SLC41A3: variants seen among roughly 807,000 people sequenced by gnomAD.
The protein encoded by SLC41A3 is SLC41A1-like 2.
In SLC41A3, 44 loss-of-function variants were observed where a neutral mutation model predicts 45.4. That is an observed-to-expected ratio of 0.97 (90% CI 0.76 to 1.25). The LOEUF is 1.25. Among genes scored for constraint, SLC41A3 ranks in the 50% most tolerant of loss-of-function variants. The pLI, the probability that SLC41A3 is intolerant of heterozygous loss-of-function variation, is 0.00. For synonymous variants in SLC41A3, 256 were observed against 252.4 expected (o/e 1.01, Z -0.13); for missense variants, 550 against 600.6 (o/e 0.92, Z 0.88).
chr3:126,089,877 A>G (rs1945456744), intron 1 of SLC41A3, among the ~76,000 whole-genome samples: 1 of 152,218 alleles, frequency 6.6e-6, no homozygotes, highest in South Asian at 2.1e-4. Context: ...GCCCTTTCTT[A>G]GGACTAATTC....
intron 4 of SLC41A3, among the ~76,000 whole-genome samples, chr3:126,029,372 C>A (rs1282712979): frequency 1.3e-5 from 2 of 151,338 alleles, no homozygotes; most frequent in African/African-American, 4.9e-5. Context: ...GCACTCCCTC[C>A]CCCACCACTC....
chr3:126,016,796 G>A lies in SLC41A3; in HGVS notation c.825C>T (p.Ser275=), dbSNP rs1940332790. The A allele has an allele frequency of 1.2e-6, 2 of 1,612,676 alleles. No individual in the cohort carries two copies. The highest frequency in any genetic ancestry group is 1.3e-5 in the African/African-American group (1 of 74,964). ...TPVWVLIAKQ[S]PPIVKILKFG... ...ACTTCAGGATCTTCACGATGGGTGGGCTCTGCTTGGCAATGAGGACCCACA... is the reference window on the plus strand; with the variant it reads ...ACTTCAGGATCTTCACGATGGGTGGACTCTGCTTGGCAATGAGGACCCACA... The change falls in exon 7 of 11, where the codon AGC becomes AGT. Residue 275 remains serine, a synonymous_variant. Transcript: ENST00000360370.
chr3:126,006,874 A>G lies in SLC41A3; in HGVS notation c.*142T>C. 1.3e-6 allele frequency: 2 copies of G among 1,510,902 alleles called. No individual in the cohort carries two copies. The highest frequency in any genetic ancestry group is 1.8e-6 in the Non-Finnish European group (2 of 1,135,508). The allele number at this position is 1,510,902 out of a possible 1,614,324, so 93.6% of individuals were successfully genotyped here. A position where few individuals can be genotyped will look rare whatever the true frequency, so the allele number is the denominator to read the frequency against. ...CAACCCCAGAGCCGAGGTGTGTGAG[A>G]GCTACCTTAGCAGACTCACAAAAGG... On this transcript the variant is annotated 3_prime_UTR_variant, in exon 11 of 11. Coordinates refer to ENST00000360370, the MANE Select transcript of SLC41A3 (RefSeq NM_017836.4).
intron 8 of SLC41A3, among the ~76,000 whole-genome samples, chr3:126,013,910 C>A (rs183850237): frequency 6.6e-6 from 1 of 152,140 alleles, no homozygotes; most frequent in Admixed American, 6.5e-5. Flanking sequence ...GCCCAGAAAA[C>A]CATGAGCACA....
chr3:126,034,825 T>C (rs1335808640), intron 3 of SLC41A3, among the ~76,000 whole-genome samples: 1 of 152,254 alleles, frequency 6.6e-6, no homozygotes, highest in East Asian at 1.9e-4. Context: ...TGCTGGCCCA[T>C]ATGATTTCTG....
Position 126,012,637 on chromosome 3 carries a change from C to T in SLC41A3, c.1083G>A (p.Pro361=), listed in dbSNP as rs372476214. The T allele has an allele frequency of 4.2e-5, 68 of 1,614,020 alleles. No individual in the cohort carries two copies. The highest frequency in any genetic ancestry group is 4.5e-5 in the Non-Finnish European group (53 of 1,180,016). The change falls in exon 9 of 11, where the codon CCG becomes CCA. Residue 361 remains proline (P), a synonymous_variant. Transcript: ENST00000360370. ...PLQMKKFWPN[P]CSTFCTSEIN... Reference sequence around the variant, plus strand: ...CACCTGACGTGCAGAAAGTAGAACACGGGTTGGGCCAGAATTTCTTCATCT... The same window carrying T: ...CACCTGACGTGCAGAAAGTAGAACATGGGTTGGGCCAGAATTTCTTCATCT...
At chr3:126,051,215 C>T (rs551906006) in intron 2 of SLC41A3, among the ~76,000 whole-genome samples, 165 bp from the exon 3 acceptor site, 20 of 152,372 alleles carry the variant, frequency 1.3e-4, no homozygotes, top group Middle Eastern at 3.4e-3. Flanking sequence ...ATAAATGAAG[C>T]TGTGAAAACC....
chr3:126,063,949 A>ACCC (rs56806357), intron 2 of SLC41A3, among the ~76,000 whole-genome samples: 15,140 of 101,374 alleles, frequency 0.15, 1,989 homozygotes, highest in African/African-American at 0.19. Flanking sequence ...GCCAGATCCA[A>ACCC]CCCCCCCCCG....
In SLC41A3 at chr3:126,050,783, T is replaced by A. The variant is rs1054284400; in HGVS notation, c.381+160A>T. On this transcript the variant is annotated intron_variant, in intron 3 of 10. Transcript: ENST00000360370. The stretch of plus-strand genomic sequence containing the variant: ...GTAGTGGAAAGCCAAGGCATTGGGC[T>A]GGGAGAGGGACAAGGGACAGCATGA... 23 of 1,278,460 alleles carry A rather than the reference T, an allele frequency of 1.8e-5. No individual in the cohort carries two copies. In the East Asian group the frequency reaches 6.5e-4, roughly 36 times the overall value. 79.2% of individuals were successfully genotyped at this position (1,278,460 alleles called of 1,614,324 possible). A position where few individuals can be genotyped will look rare whatever the true frequency, so the allele number is the denominator to read the frequency against.
At chr3:126,084,728 G>GTT (rs976385683), upstream of SLC41A3, among the ~76,000 whole-genome samples, 4 of 152,090 alleles carry the variant, frequency 2.6e-5, no homozygotes, top group Non-Finnish European at 4.4e-5. Flanking sequence ...GAGGCCTGAT[G>GTT]GTTCACAAGA....
upstream of SLC41A3, among the ~76,000 whole-genome samples, chr3:126,087,841 A>G (rs540641504): frequency 7.2e-5 from 11 of 152,272 alleles, no homozygotes; most frequent in South Asian, 2.1e-3. Context: ...TTAAGAAGAA[A>G]TTATAGTAGT....
At chr3:126,022,993 C>T (rs1213599586) in intron 5 of SLC41A3, 61 bp from the exon 6 acceptor site, 2 of 1,600,594 alleles carry the variant, frequency 1.2e-6, no homozygotes, top group Admixed American at 3.4e-5. Flanking sequence ...TGGCTCTGAG[C>T]AGGCACAGCA....
At chr3:126,068,911 C>G (rs1291954357) in intron 1 of SLC41A3, among the ~76,000 whole-genome samples, 2 of 152,106 alleles carry the variant, frequency 1.3e-5, no homozygotes, top group African/African-American at 4.8e-5. Flanking sequence ...GGTGCAAAAC[C>G]TTTTGCCCTG....
chr3:126,019,832 G>A lies in SLC41A3; in HGVS notation c.745+2954C>T, dbSNP rs376047469. On this transcript the variant is annotated intron_variant, in intron 6 of 10. Transcript: ENST00000360370. The stretch of plus-strand genomic sequence containing the variant: ...CACCCAGCTCTCCCAGGCTGAAATC[G>A]CACACTAACAGCTCTGCAGTCCTGG... Among the ~76,000 whole-genome samples the A allele has an allele frequency of 1.1e-3, 168 of 151,892 alleles. 1 individual carries two copies. The Middle Eastern group carries it at 0.02, about 18-fold the overall frequency.
At chr3:126,046,973 AAAAAG>A (rs1559853616) in intron 3 of SLC41A3, among the ~76,000 whole-genome samples, 3 of 151,658 alleles carry the variant, frequency 2.0e-5, no homozygotes, top group Non-Finnish European at 4.4e-5. Context: ...AAAAAAAAAA[AAAAAG>A]AAAAGAAAAG....
Position 126,026,255 on chromosome 3 carries a change from C to G in SLC41A3, c.598+80G>C. On this transcript the variant is annotated intron_variant, in intron 5 of 10. Coordinates refer to ENST00000360370, the MANE Select transcript of SLC41A3 (RefSeq NM_017836.4). The surrounding 1 kb of genome is among the most constrained non-coding windows in gnomAD (Gnocchi z 4.2). ...GCAGTGGGACTCACACCCCCAGAAA[C>G]TGAAAACACAATGAGCTCTGAGGTG... 1 of 1,520,196 alleles carries G rather than the reference C, an allele frequency of 6.6e-7. No homozygotes were observed. The highest frequency in any genetic ancestry group is 8.9e-7 in the Non-Finnish European group (1 of 1,129,596). 94.2% of individuals were successfully genotyped at this position (1,520,196 alleles called of 1,614,324 possible). A position where few individuals can be genotyped will look rare whatever the true frequency, so the allele number is the denominator to read the frequency against.
intron 1 of SLC41A3, among the ~76,000 whole-genome samples, chr3:126,074,185 T>G (rs1174931822): frequency 6.6e-6 from 1 of 151,910 alleles, no homozygotes; most frequent in African/African-American, 2.4e-5. Flanking sequence ...TAGATGCCCT[T>G]AGTCAGGATG....
At chr3:126,078,364 G>C (rs1470887375) in intron 1 of SLC41A3, among the ~76,000 whole-genome samples, 2 of 152,186 alleles carry the variant, frequency 1.3e-5, no homozygotes, top group African/African-American at 4.8e-5. Flanking sequence ...GGAGATCATG[G>C]AGAGACAGCT....
chr3:126,050,966 G>A lies in SLC41A3; in HGVS notation c.358C>T (p.Leu120=). The stretch of plus-strand genomic sequence containing the variant: ...ACAGCTGTGGAGAGTCTGGATGCCA[G>A]TGTCATCTCCAGGTTCCCCTTCAGG... ...VGLKGNLEMT[L]ASRLSTAANT... is the part of the protein sequence containing the mutation. Residue 120 remains leucine (L), a synonymous_variant, in exon 3 of 11, where the codon CTG becomes TTG. Coordinates refer to ENST00000360370, the MANE Select transcript of SLC41A3 (RefSeq NM_017836.4). 1.9e-6 allele frequency: 3 copies of A among 1,612,840 alleles called. No individual in the cohort carries two copies. Among genetic ancestry groups the A allele is most frequent in the Non-Finnish European group, 2.5e-6 (3 of 1,179,480 alleles).
Sources: gnomAD v4.1 joint callset for allele counts (sites outside exome capture counted in the v4.1 genomes callset) on GRCh38, gnomAD v4.1.1 for gene constraint, Gnocchi (gnomAD v3.1) non-coding constraint, MANE v1.5 for transcripts, NCBI Gene and HGNC (gene_info 2026-07-23, HGNC 2026-07-21) for gene names.